Variants in NPHS1 observed in about 807,000 individuals in gnomAD.
The protein encoded by NPHS1 is NPHS1 adhesion molecule, nephrin.
In NPHS1, 107 loss-of-function variants were observed where a neutral mutation model predicts 139.7. The ratio of observed to expected loss-of-function variants is 0.77; its 90% CI spans 0.66 to 0.90. The LOEUF is 0.90. Ranked by LOEUF, NPHS1 falls within the 40% of genes least tolerant of loss-of-function variation. The pLI, the probability that NPHS1 is intolerant of heterozygous loss-of-function variation, is 0.00. For synonymous variants in NPHS1, 707 were observed against 706.6 expected (o/e 1.00, Z -0.01); for missense variants, 1,580 against 1,654.2 (o/e 0.96, Z 0.78).
At chr19:35,826,715 A>G (rs1972805541) in intron 28 of NPHS1, 70 bp from the exon 29 acceptor site, 1 of 1,550,560 alleles carries the variant, frequency 6.4e-7, no homozygotes, top group African/African-American at 1.4e-5. Flanking sequence ...GATCTGGGGG[A>G]TACATGCCCC....
At chr19:35,839,909 GAAGT>G (rs1326784582) in intron 20 of NPHS1, among the ~76,000 whole-genome samples, 4 of 150,364 alleles carry the variant, frequency 2.7e-5, no homozygotes, top group African/African-American at 9.7e-5. Flanking sequence ...ATTTTAAAAA[GAAGT>G]AAGTGAAAAC....
chr19:35,840,022 T>C (rs1973031258), intron 20 of NPHS1, among the ~76,000 whole-genome samples: 2 of 151,864 alleles, frequency 1.3e-5, no homozygotes, highest in Non-Finnish European at 2.9e-5. Flanking sequence ...TCTTTTTTTT[T>C]AGATGGAGTT....
chr19:35,833,689 A>T (rs1190247382), intron 23 of NPHS1, among the ~76,000 whole-genome samples: 1 of 151,328 alleles, frequency 6.6e-6, no homozygotes, highest in Non-Finnish European at 1.5e-5. Context: ...TATTTCATAT[A>T]CCAAGACTTT....
intron 5 of NPHS1, 23 bp downstream of exon 5, chr19:35,850,341 G>T: frequency 6.2e-7 from 1 of 1,602,466 alleles, no homozygotes; most frequent in Non-Finnish European, 8.6e-7. Context: ...GTCAAGGTTG[G>T]GGGGTTGTTT....
chr19:35,848,049 A>C lies in NPHS1; in HGVS notation c.1432T>G (p.Trp478Gly). 6.2e-7 allele frequency: 1 copy of C among 1,613,798 alleles called. No individual in the cohort carries two copies. Among genetic ancestry groups the C allele is most frequent in the Non-Finnish European group, 8.5e-7 (1 of 1,180,010 alleles). Residue 478 changes from tryptophan to glycine, a missense_variant, in exon 11 of 29, where the codon TGG (tryptophan) becomes GGG (glycine). Trp to Gly is a radical substitution (Grantham distance 184, BLOSUM62 -2). Transcript: ENST00000378910. ...CCTGGCGTGGCACCAACCTTGTACC[A>C]CATGAGGGAGGGCTCTGGGTTGCCC... ...IGGNPEPSLMWYKDSRTVTES... is the reference protein window; with the variant it reads ...IGGNPEPSLMGYKDSRTVTES...
At chr19:35,849,899 GT>G (rs945969577) in intron 5 of NPHS1, among the ~76,000 whole-genome samples, 6 of 152,064 alleles carry the variant, frequency 3.9e-5, no homozygotes, top group African/African-American at 1.2e-4. Flanking sequence ...TTCCCATGAA[GT>G]TTTTTTGTTT....
In NPHS1 at chr19:35,831,712, G is replaced by T; in HGVS notation, c.3217C>A (p.Leu1073Met). The T allele has an allele frequency of 6.3e-7, 1 of 1,597,690 alleles. No homozygotes were observed. The highest frequency in any genetic ancestry group is 8.5e-7 in the Non-Finnish European group (1 of 1,172,546). ...LPVLFALGGLLLLSNASCVGG... is the reference protein window; with the variant it reads ...LPVLFALGGLMLLSNASCVGG... ...ACACAGGAGGCATTGGAGAGGAGCAGAAGCCCCCCAAGAGCGAACAGCACA... is the reference window on the plus strand; with the variant it reads ...ACACAGGAGGCATTGGAGAGGAGCATAAGCCCCCCAAGAGCGAACAGCACA... Residue 1073 changes from leucine to methionine, a missense_variant, in exon 24 of 29, where the codon CTG becomes ATG. Physicochemically the swap from Leu to Met is conservative, Grantham distance 15. Transcript: ENST00000378910.
intron 18 of NPHS1, 46 bp from the exon 19 acceptor site, chr19:35,842,326 G>A (rs1160711609): frequency 1.2e-6 from 2 of 1,612,604 alleles, no homozygotes; most frequent in Non-Finnish European, 8.5e-7. Flanking sequence ...GGAGACATGA[G>A]GGCTGTGGGT....
rs1481982336 is a variant in NPHS1, at chr19:35,848,116, G to C, written c.1365C>G (p.Leu455=). ...CCAGCCTCACCCGGGTCCCAGCCCG[G>C]AGCTTCTGGCCCTCTGGGGGACCCT... ...WIEGPPEGQK[L]RAGTRVRLVC... Residue 455 remains leucine (L), a synonymous_variant, in exon 11 of 29, where the codon CTC becomes CTG. Transcript: ENST00000378910. The C allele has an allele frequency of 3.7e-6, 6 of 1,613,962 alleles. No homozygotes were observed. The highest frequency in any genetic ancestry group is 1.7e-6 in the Non-Finnish European group (2 of 1,180,026).
chr19:35,845,837 G>T lies in NPHS1; in HGVS notation c.1628-39C>A, dbSNP rs1220807537. ...TTGGAGGAGCGAGACTCAGAGGTTAGGGGCGGCCTGGTCTGCGTCCACCCC... is the reference window on the plus strand; with the variant it reads ...TTGGAGGAGCGAGACTCAGAGGTTATGGGCGGCCTGGTCTGCGTCCACCCC... On this transcript the variant is annotated intron_variant, in intron 12 of 28. Transcript: ENST00000378910. The surrounding 1 kb of genome is among the most constrained non-coding windows in gnomAD (Gnocchi z 5.5). The T allele has an allele frequency of 1.9e-6, 3 of 1,599,976 alleles. No homozygotes were observed. Among genetic ancestry groups the T allele is most frequent in the Admixed American group, 3.4e-5 (2 of 59,696 alleles).
In NPHS1 at chr19:35,826,339, A is replaced by G. The variant is rs1972800222; in HGVS notation, c.*175T>C. On this transcript the variant is annotated 3_prime_UTR_variant, in exon 29 of 29. Coordinates refer to ENST00000378910, the MANE Select transcript of NPHS1 (RefSeq NM_004646.4). ...CAACCCCAGGATGCACCTTGTTTCT[A>G]CTCTGGTACCAGCTGAACCATCTCT... 4 of 695,842 alleles carry G rather than the reference A, an allele frequency of 5.7e-6. No homozygotes were observed. The highest frequency in any genetic ancestry group is 9.9e-6 in the Non-Finnish European group (4 of 405,412). 43.1% of individuals were successfully genotyped at this position (695,842 alleles called of 1,614,324 possible).
Position 35,845,567 on chromosome 19 carries a change from T to C in NPHS1, c.1758-27A>G. The C allele has an allele frequency of 6.2e-7, 1 of 1,607,434 alleles. No individual in the cohort carries two copies. Among genetic ancestry groups the C allele is most frequent in the South Asian group, 1.1e-5 (1 of 90,596 alleles). On this transcript the variant is annotated intron_variant, in intron 13 of 28. Coordinates refer to ENST00000378910, the MANE Select transcript of NPHS1 (RefSeq NM_004646.4). This position sits in a 1 kb window ranked among gnomAD's most constrained non-coding sequence, Gnocchi z 5.5. Reference sequence around the variant, plus strand: ...TGTGGAACCGGGGTCAAGCCAGGGCTGCGAGCGGAGCCAGAGGCTGGAGAG... The same window carrying C: ...TGTGGAACCGGGGTCAAGCCAGGGCCGCGAGCGGAGCCAGAGGCTGGAGAG...
intron 28 of NPHS1, among the ~76,000 whole-genome samples, chr19:35,828,052 A>G (rs1352754718): frequency 2.6e-5 from 4 of 152,234 alleles, no homozygotes; most frequent in Non-Finnish European, 1.5e-5. Context: ...ATCATAATAG[A>G]AAAACAAAAC....
chr19:35,839,245 G>A lies in NPHS1; in HGVS notation c.3101C>T (p.Thr1034Ile). 6.2e-7 allele frequency: 1 copy of A among 1,614,152 alleles called. No homozygotes were observed. The highest frequency in any genetic ancestry group is 8.5e-7 in the Non-Finnish European group (1 of 1,179,988). ...LADKGTQLPI[T>I]TPGLHQPSGE... ...CAAGCCTCCCTTCCCACCTGGGGTA[G>A]TGATGGGAAGCTGGGTCCCTTTGTC... Residue 1034 changes from threonine (T) to isoleucine (I), a missense_variant, in exon 22 of 29, where the codon ACT becomes ATT. By Grantham distance (89) the Thr-to-Ile change is moderately conservative. Coordinates refer to ENST00000378910, the MANE Select transcript of NPHS1 (RefSeq NM_004646.4).
chr19:35,846,317 G>A, intron 11 of NPHS1, 123 bp from the exon 12 acceptor site: 1 of 1,019,292 alleles, frequency 9.8e-7, no homozygotes, highest in South Asian at 1.5e-5. Flanking sequence ...CTGATAAGGA[G>A]AAGCACTCTC....
At position 35,835,711 on chromosome 19, in the gene NPHS1, G is replaced by A. The variant is rs772424085; in HGVS notation, c.3160C>T (p.Pro1054Ser). 1.2e-6 allele frequency: 2 copies of A among 1,613,624 alleles called. No homozygotes were observed. Among genetic ancestry groups the A allele is most frequent in the Admixed American group, 3.3e-5 (2 of 59,964 alleles). The change falls in exon 23 of 29, where the codon CCT (proline) becomes TCT (serine). Residue 1054 changes from proline (P) to serine (S), a missense_variant. Transcript: ENST00000378910. ...CAGGGGACTGAGGACTTGCCTGAAGGTGGCTCTGTGGGCAGCTGGTCTTCA... is the reference window on the plus strand; with the variant it reads ...CAGGGGACTGAGGACTTGCCTGAAGATGGCTCTGTGGGCAGCTGGTCTTCA... ...EPEDQLPTEPPSGPSGLPLLP... is the reference protein window; with the variant it reads ...EPEDQLPTEPSSGPSGLPLLP...
rs747725467 is a variant in NPHS1, at chr19:35,849,648, G to GAA, written c.613_614insTT (p.Thr205IlefsTer31). 1 of 1,612,878 alleles carries GAA rather than the reference G, an allele frequency of 6.2e-7. No individual in the cohort carries two copies. Among genetic ancestry groups the GAA allele is most frequent in the Non-Finnish European group, 8.5e-7 (1 of 1,179,132 alleles). ...CTGCCTATTATCTGAGCTCCGGGGTGTCACCCTGGGATGAGAAGTCAGGGT... is the reference window on the plus strand; with the variant it reads ...CTGCCTATTATCTGAGCTCCGGGGTGAATCACCCTGGGATGAGAAGTCAGGGT... On this transcript the variant is annotated frameshift_variant, in exon 6 of 29. Coordinates refer to ENST00000378910, the MANE Select transcript of NPHS1 (RefSeq NM_004646.4). LOFTEE classifies it high-confidence loss of function.
Position 35,846,137 on chromosome 19 carries a change from C to A in NPHS1, c.1498G>T (p.Gly500Cys). Reference sequence around the variant, plus strand: ...GTGCTCCCAGATTTCTCCACGCTGCCGAGATGCACGCGCCGCGACTCCTGC... The same window carrying A: ...GTGCTCCCAGATTTCTCCACGCTGCAGAGATGCACGCGCCGCGACTCCTGC... The part of the protein sequence containing the change: ...LPQESRRVHL[G>C]SVEKSGSTFS... The change falls in exon 12 of 29, where the codon GGC becomes TGC. Residue 500 changes from glycine (G) to cysteine (C), a missense_variant. By Grantham distance (159) the Gly-to-Cys change is radical. Transcript: ENST00000378910. The A allele has an allele frequency of 7.5e-6, 12 of 1,597,886 alleles. No homozygotes were observed. Among genetic ancestry groups the A allele is most frequent in the Non-Finnish European group, 1.0e-5 (12 of 1,173,614 alleles).
Position 35,835,761 on chromosome 19 carries a change from C to T in NPHS1, c.3110G>A (p.Gly1037Asp). 6.2e-7 allele frequency: 1 copy of T among 1,613,284 alleles called. No individual in the cohort carries two copies. The highest frequency in any genetic ancestry group is 8.5e-7 in the Non-Finnish European group (1 of 1,179,592). ...AGGTTCTCCAGAAGGCTGGTGGAGA[C>T]CTGGGGGGTGGATATACAGATTGTG... The part of the protein sequence containing the change: ...KGTQLPITTP[G>D]LHQPSGEPED... Residue 1037 changes from glycine to aspartate, a missense_variant and splice_region_variant, in exon 23 of 29, where the codon GGT becomes GAT. Physicochemically the swap from Gly to Asp is moderately conservative, Grantham distance 94. Coordinates refer to ENST00000378910, the MANE Select transcript of NPHS1 (RefSeq NM_004646.4).
Sources: gnomAD v4.1 joint callset for allele counts (sites outside exome capture counted in the v4.1 genomes callset) on GRCh38, gnomAD v4.1.1 for gene constraint, Gnocchi (gnomAD v3.1) non-coding constraint, MANE v1.5 for transcripts, NCBI Gene and HGNC (gene_info 2026-07-23, HGNC 2026-07-21) for gene names.